HRH1: variants seen among roughly 807,000 people sequenced by gnomAD.
HRH1 encodes histamine receptor H1.
Under a neutral mutation model 10.3 loss-of-function variants are expected in HRH1, and 6 were observed. The observed-to-expected ratio is 0.58, with a 90% CI of 0.32 to 1.15. The LOEUF (loss-of-function observed/expected upper bound fraction) is 1.15, where lower values mean the gene tolerates loss of function less well. Among genes scored for constraint, HRH1 ranks in the 50% most tolerant of loss-of-function variants. The pLI is 0.05. For missense variants in HRH1, 514 were observed against 615.3 expected (o/e 0.84, Z 1.74); for synonymous variants, 242 against 236.7 (o/e 1.02, Z -0.21).
rs77149603 is a variant in HRH1, at chr3:11,194,420, C to A, written c.-36+39866C>A. Among the ~76,000 whole-genome samples, 256 of 152,336 alleles carry A rather than the reference C, an allele frequency of 1.7e-3. 2 individuals are homozygous for A. Among genetic ancestry groups the A allele is most frequent in the East Asian group, 3.5e-3 (18 of 5,190 alleles). On this transcript the variant is annotated intron_variant, in intron 1 of 1. Coordinates refer to ENST00000431010, the MANE Select transcript of HRH1 (RefSeq NM_001098212.2). The stretch of plus-strand genomic sequence containing the variant: ...AGTGGTGTCACCTCAGGCTCCCACC[C>A]CGTCTCAGACTCTGCGCCAGACACT...
intron 1 of HRH1, among the ~76,000 whole-genome samples, chr3:11,193,074 A>G (rs1937579577): frequency 6.6e-6 from 1 of 152,244 alleles, no homozygotes; most frequent in Non-Finnish European, 1.5e-5. Context: ...GATCAGTACA[A>G]AATTATTTCT....
intron 1 of HRH1, among the ~76,000 whole-genome samples, chr3:11,155,154 C>G (rs577238413): frequency 6.6e-6 from 1 of 152,114 alleles, no homozygotes; most frequent in Non-Finnish European, 1.5e-5. Context: ...CTCAGCGTCA[C>G]CTGGAGTCGG....
At chr3:11,194,073 A>G (rs1212476633) in intron 1 of HRH1, among the ~76,000 whole-genome samples, 1 of 152,200 alleles carries the variant, frequency 6.6e-6, no homozygotes, top group Non-Finnish European at 1.5e-5. Context: ...CCAAGCATAA[A>G]TGCAAATGTA....
At chr3:11,234,615 A>G in intron 1 of HRH1, 5 of 1,436,656 alleles carry the variant, frequency 3.5e-6, no homozygotes, top group South Asian at 3.4e-5. Flanking sequence ...CATTGCTTGG[A>G]GTTTCATGGT....
At chr3:11,181,202 C>T (rs1030239494) in intron 1 of HRH1, among the ~76,000 whole-genome samples, 1 of 152,152 alleles carries the variant, frequency 6.6e-6, no homozygotes, top group Non-Finnish European at 1.5e-5. Flanking sequence ...GGAGGATCTC[C>T]TGATCCCGGG....
At chr3:11,159,049 A>G (rs1196317413) in intron 1 of HRH1, among the ~76,000 whole-genome samples, 1 of 152,172 alleles carries the variant, frequency 6.6e-6, no homozygotes, top group Non-Finnish European at 1.5e-5. Flanking sequence ...GGAGTTTGAG[A>G]CCAGCCTGGC....
At chr3:11,242,309 G>A (rs911247541) in intron 1 of HRH1, among the ~76,000 whole-genome samples, 10 of 151,944 alleles carry the variant, frequency 6.6e-5, no homozygotes, top group East Asian at 3.9e-4. Flanking sequence ...GTGAAACCCC[G>A]TCTCTACTAA....
chr3:11,146,680 G>A (rs375261787), intron 1 of HRH1, among the ~76,000 whole-genome samples: 1 of 152,094 alleles, frequency 6.6e-6, no homozygotes, highest in Non-Finnish European at 1.5e-5. Context: ...ATTCCCAAAG[G>A]AGTCTGAAAA....
intron 1 of HRH1, among the ~76,000 whole-genome samples, chr3:11,208,438 C>T (rs1313361651): frequency 1.3e-5 from 2 of 152,178 alleles, no homozygotes; most frequent in Non-Finnish European, 1.5e-5. Context: ...AGGCATGAGC[C>T]ACCACTCCTG....
chr3:11,197,197 C>T (rs887981640), intron 1 of HRH1, among the ~76,000 whole-genome samples: 3 of 151,572 alleles, frequency 2.0e-5, no homozygotes, highest in Non-Finnish European at 4.4e-5. Flanking sequence ...ATAACAAGAT[C>T]CCCCGGTGAT....
rs181783018 is a variant in HRH1 at position 11,259,465 on chromosome 3, G to A, written c.428G>A (p.Arg143Gln). The change falls in exon 2 of 2, where the codon CGA (arginine) becomes CAA (glutamine). Residue 143 changes from arginine (R) to glutamine (Q), a missense_variant. Transcript: ENST00000431010. The surrounding 1 kb of genome is among the most constrained non-coding windows in gnomAD (Gnocchi z 4.6). ...TACCTTAAGTATCGTACCAAGACCCGAGCCTCGGCCACCATTCTGGGGGCC... is the reference window on the plus strand; with the variant it reads ...TACCTTAAGTATCGTACCAAGACCCAAGCCTCGGCCACCATTCTGGGGGCC... ...LRYLKYRTKT[R>Q]ASATILGAWF... 110 of 1,613,892 alleles carry A rather than the reference G, an allele frequency of 6.8e-5. No individual in the cohort carries two copies. The Admixed American group carries it at 1.8e-3, about 26-fold the overall frequency.
At chr3:11,200,327 G>T (rs1269686254) in intron 1 of HRH1, among the ~76,000 whole-genome samples, 1 of 152,172 alleles carries the variant, frequency 6.6e-6, no homozygotes, top group East Asian at 1.9e-4. Flanking sequence ...AGCCAAGTGA[G>T]TTGGGGTTTT....
intron 1 of HRH1, among the ~76,000 whole-genome samples, chr3:11,235,457 C>T (rs1939155245): frequency 6.6e-6 from 1 of 152,174 alleles, no homozygotes; most frequent in East Asian, 1.9e-4. Flanking sequence ...CTTCTCTTGA[C>T]ACTTGAAGGG....
intron 1 of HRH1, among the ~76,000 whole-genome samples, chr3:11,200,049 C>A (rs1197003606): frequency 6.6e-6 from 1 of 152,168 alleles, no homozygotes; most frequent in Admixed American, 6.5e-5. Flanking sequence ...TAGAAAAATT[C>A]TCCTTGATCT....
At chr3:11,237,585 A>G (rs1430074401) in intron 1 of HRH1, among the ~76,000 whole-genome samples, 1 of 139,566 alleles carries the variant, frequency 7.2e-6, no homozygotes, top group Non-Finnish European at 1.7e-5. Flanking sequence ...GGATTAAACG[A>G]TTGAGGATTA....
chr3:11,204,475 G>T (rs1403185281), intron 1 of HRH1, among the ~76,000 whole-genome samples: 2 of 152,122 alleles, frequency 1.3e-5, no homozygotes, highest in Admixed American at 6.5e-5. Flanking sequence ...AAGACAGGAA[G>T]GAGCTTAGAG....
chr3:11,140,794 C>G (rs1307823375), intron 1 of HRH1, among the ~76,000 whole-genome samples: 1 of 152,192 alleles, frequency 6.6e-6, no homozygotes, highest in Non-Finnish European at 1.5e-5. Flanking sequence ...CCACGCTTAC[C>G]TGCCAGGTGT....
chr3:11,145,248 C>G (rs897807459), intron 1 of HRH1, among the ~76,000 whole-genome samples: 1 of 152,226 alleles, frequency 6.6e-6, no homozygotes, highest in Admixed American at 6.5e-5. Flanking sequence ...CCATTGACAT[C>G]TGTGGCTTCG....
chr3:11,253,309 A>G (rs975843985), intron 1 of HRH1: 1 of 152,200 alleles, frequency 6.6e-6, no homozygotes, highest in African/African-American at 2.4e-5. Flanking sequence ...TGACCTCCCT[A>G]GTCTTCTTCA....
Sources: gnomAD v4.1 joint callset for allele counts (sites outside exome capture counted in the v4.1 genomes callset) on GRCh38, gnomAD v4.1.1 for gene constraint, Gnocchi (gnomAD v3.1) non-coding constraint, MANE v1.5 for transcripts, NCBI Gene and HGNC (gene_info 2026-07-23, HGNC 2026-07-21) for gene names.